NEBL: variants seen among roughly 807,000 people sequenced by gnomAD.
NEBL encodes LIM and SH3 protein 2.
Under a neutral mutation model 140.2 loss-of-function variants are expected in NEBL, and 122 were observed. The observed-to-expected ratio is 0.87, with a 90% confidence interval of 0.75 to 1.01. The LOEUF (loss-of-function observed/expected upper bound fraction) is 1.01, where lower values mean the gene tolerates loss of function less well. NEBL is among the 50% of genes least tolerant of loss of function. The pLI is 0.00. For missense variants in NEBL, 1,365 were observed against 1,231.3 expected (o/e 1.11, Z -1.62); for synonymous variants, 436 against 398.9 (o/e 1.09, Z -1.11).
intron 4 of NEBL, among the ~76,000 whole-genome samples, chr10:20,921,014 A>C (rs1445791789): frequency 6.6e-6 from 1 of 152,158 alleles, no homozygotes; most frequent in African/African-American, 2.4e-5. Flanking sequence ...CTGTCCACTG[A>C]AAATGTCTGG....
chr10:21,236,756 C>T (rs986426108), intron 3 of NEBL, among the ~76,000 whole-genome samples: 2 of 152,144 alleles, frequency 1.3e-5, no homozygotes, highest in Admixed American at 1.3e-4. Context: ...GAACCCCAAA[C>T]TCTTTCTAGA....
chr10:21,257,651 C>T (rs1034187402), intron 1 of NEBL, among the ~76,000 whole-genome samples: 9 of 152,014 alleles, frequency 5.9e-5, no homozygotes, highest in Non-Finnish European at 8.8e-5. Flanking sequence ...TTTGGGAGGC[C>T]GAGGCGGGCG....
At chr10:20,842,207 G>A (rs1016360166) in intron 12 of NEBL, among the ~76,000 whole-genome samples, 20 of 152,000 alleles carry the variant, frequency 1.3e-4, no homozygotes, top group African/African-American at 4.8e-4. Flanking sequence ...CTAGACATTG[G>A]AATGGACTGT....
At chr10:21,271,195 T>C (rs1165514437) in intron 1 of NEBL, among the ~76,000 whole-genome samples, 1 of 152,164 alleles carries the variant, frequency 6.6e-6, no homozygotes, top group Non-Finnish European at 1.5e-5. Flanking sequence ...ATCCTGCCAT[T>C]TGCAACAACA....
upstream of NEBL, among the ~76,000 whole-genome samples, chr10:20,900,731 G>T (rs529988128): frequency 9.4e-4 from 142 of 151,466 alleles, no homozygotes; most frequent in Non-Finnish European, 1.6e-3. Context: ...TGTAATCCCA[G>T]CTACTAGGGA....
At chr10:21,234,290 T>G (rs919813434) in intron 3 of NEBL, among the ~76,000 whole-genome samples, 1 of 152,058 alleles carries the variant, frequency 6.6e-6, no homozygotes, top group African/African-American at 2.4e-5. Context: ...ATTTGGATCA[T>G]GTGGGCCGAT....
chr10:21,161,603 G>A (rs74121075), intron 2 of NEBL, among the ~76,000 whole-genome samples: 6,361 of 152,090 alleles, frequency 0.042, 350 homozygotes, highest in African/African-American at 0.13. Flanking sequence ...TTAAGAATCC[G>A]CCCATAATTA....
intron 1 of NEBL, among the ~76,000 whole-genome samples, chr10:21,258,044 G>A (rs1842684785): frequency 6.6e-6 from 1 of 152,220 alleles, no homozygotes; most frequent in Non-Finnish European, 1.5e-5. Flanking sequence ...ATTTTGTTTG[G>A]AAGATGATTC....
intron 4 of NEBL, among the ~76,000 whole-genome samples, chr10:20,908,244 TA>T (rs1008933907): frequency 1.3e-5 from 2 of 152,244 alleles, no homozygotes; most frequent in African/African-American, 4.8e-5. Context: ...TACTACTTAC[TA>T]CTTCCAAATC....
intron 4 of NEBL, among the ~76,000 whole-genome samples, chr10:20,922,007 A>T (rs1479510158): frequency 1.3e-5 from 2 of 152,260 alleles, no homozygotes; most frequent in Admixed American, 6.5e-5. Context: ...GGAAAGGAAA[A>T]TAGAGCAAGC....
chr10:21,018,763 G>A (rs1838659241), intron 3 of NEBL, among the ~76,000 whole-genome samples: 1 of 152,166 alleles, frequency 6.6e-6, no homozygotes, highest in Admixed American at 6.5e-5. Context: ...GGGCGCAGTG[G>A]CTCACGCTGT....
chr10:20,923,611 G>A (rs891377756), intron 4 of NEBL, among the ~76,000 whole-genome samples: 12 of 129,226 alleles, frequency 9.3e-5, no homozygotes, highest in Admixed American at 3.9e-4. Context: ...CCCGGGAGGT[G>A]GAAATTGCAG....
intron 2 of NEBL, among the ~76,000 whole-genome samples, chr10:20,894,631 T>C (rs1333795362): frequency 6.6e-6 from 1 of 151,298 alleles, no homozygotes; most frequent in Non-Finnish European, 1.5e-5. Context: ...TAAGCCAGAA[T>C]AGGCCGGGCA....
chr10:21,277,208 CT>C lies in NEBL; in HGVS notation n.182+15621del, dbSNP rs1260862410. On this transcript the variant is annotated intron_variant and non_coding_transcript_variant, in intron 1 of 8. Transcript: ENST00000675702. ...GAGCCAATGCACCAAATATTTCTTT[CT>C]TTTTTTTTTTTTTTTTTGAGACGGA... Among the ~76,000 whole-genome samples the C allele has an allele frequency of 2.9e-3, 390 of 133,526 alleles. 1 individual carries two copies. Among genetic ancestry groups the C allele is most frequent in the South Asian group, 4.8e-3 (20 of 4,124 alleles). 87.6% of individuals were successfully genotyped at this position (133,526 alleles called of 152,430 possible).
chr10:20,997,632 T>C (rs751109958), intron 3 of NEBL, among the ~76,000 whole-genome samples: 62 of 151,832 alleles, frequency 4.1e-4, no homozygotes, highest in Non-Finnish European at 7.5e-4. Context: ...AAATTTCTAA[T>C]ATAATTGGGT....
chr10:21,173,925 C>T lies in NEBL; in HGVS notation c.-92G>A. The T allele has an allele frequency of 6.7e-7, 1 of 1,496,506 alleles. No individual in the cohort carries two copies. Among genetic ancestry groups the T allele is most frequent in the Non-Finnish European group, 8.8e-7 (1 of 1,130,540 alleles). 92.7% of individuals were successfully genotyped at this position (1,496,506 alleles called of 1,614,324 possible). On this transcript the variant is annotated 5_prime_UTR_variant, in exon 1 of 7. Transcript: ENST00000417816. The surrounding 1 kb of genome is among the most constrained non-coding windows in gnomAD (Gnocchi z 5.7). ...CGGCGAGCCCCGCACCGCCTCCTGG[C>T]AGGCGGGAGGGCTGCGGGCGGCGGG...
At chr10:20,894,978 T>G (rs1228310458) in intron 2 of NEBL, among the ~76,000 whole-genome samples, 1 of 151,110 alleles carries the variant, frequency 6.6e-6, no homozygotes, top group Non-Finnish European at 1.5e-5. Context: ...TGTCCTAAAT[T>G]TAAGTAGTAC....
At chr10:21,155,220 T>G (rs1418643434) in intron 2 of NEBL, among the ~76,000 whole-genome samples, 1 of 152,174 alleles carries the variant, frequency 6.6e-6, no homozygotes, top group Non-Finnish European at 1.5e-5. Flanking sequence ...AATTTTTTAG[T>G]AATCACATCA....
intron 26 of NEBL, among the ~76,000 whole-genome samples, chr10:20,799,280 T>G (rs765744973): frequency 6.6e-6 from 1 of 152,162 alleles, no homozygotes. Context: ...CTCAGCATCC[T>G]AAGTAGTGGG....
Sources: allele counts gnomAD v4.1 joint callset (sites outside exome capture counted in the v4.1 genomes callset), GRCh38; gene constraint gnomAD v4.1.1; non-coding constraint Gnocchi (gnomAD v3.1); transcripts MANE v1.5; gene names NCBI Gene and HGNC (gene_info 2026-07-23, HGNC 2026-07-21).